DPP6: variants seen among roughly 807,000 people sequenced by gnomAD.
The protein encoded by DPP6 is dipeptidyl peptidase like 6, also known as A-type potassium channel modulatory protein DPP6.
Under a neutral mutation model 122.6 loss-of-function variants are expected in DPP6, and 69 were observed. The ratio of observed to expected loss-of-function variants is 0.56; its 90% confidence interval spans 0.46 to 0.69. DPP6 has a LOEUF of 0.69. Ranked by LOEUF, DPP6 falls within the 30% of genes least tolerant of loss-of-function variation. DPP6 has a pLI of 0.00. For missense variants in DPP6, 928 were observed against 1,116.9 expected, an observed-to-expected ratio of 0.83 and a Z score of 2.41; for synonymous variants, 418 against 433.1, an observed-to-expected ratio of 0.97 and a Z score of 0.43.
At chr7:154,570,505 T>C (rs929276413) in intron 5 of DPP6, among the ~76,000 whole-genome samples, 3 of 150,630 alleles carry the variant, frequency 2.0e-5, no homozygotes, top group Non-Finnish European at 4.4e-5. Context: ...ATTTGTGGTG[T>C]GTGTATATTC....
At chr7:154,868,207 G>GC in intron 18 of DPP6, 114 bp downstream of exon 18, 1 of 1,351,922 alleles carries the variant, frequency 7.4e-7, no homozygotes, top group Non-Finnish European at 9.9e-7. Context: ...AAGCACGGGG[G>GC]TGTATCTTTG....
At chr7:153,982,309 A>C (rs1796627014) in intron 1 of DPP6, among the ~76,000 whole-genome samples, 1 of 151,136 alleles carries the variant, frequency 6.6e-6, no homozygotes. Flanking sequence ...TCAATCTCTG[A>C]TACCCCTTCT....
At chr7:153,973,080 T>C (rs1366727075) in intron 1 of DPP6, among the ~76,000 whole-genome samples, 3 of 152,058 alleles carry the variant, frequency 2.0e-5, no homozygotes, top group African/African-American at 7.2e-5. Context: ...GTAGGTTTAC[T>C]TTAATAAATA....
chr7:154,730,817 A>G (rs1025643885), intron 8 of DPP6, among the ~76,000 whole-genome samples: 1 of 152,258 alleles, frequency 6.6e-6, no homozygotes, highest in African/African-American at 2.4e-5. Context: ...ATCCATAACC[A>G]GGAGATTTAA....
chr7:154,126,331 A>C (rs1277549372), intron 1 of DPP6, among the ~76,000 whole-genome samples: 2 of 152,264 alleles, frequency 1.3e-5, no homozygotes, highest in East Asian at 3.9e-4. Flanking sequence ...TGACCATATA[A>C]TTTTTTATCC....
chr7:154,160,239 G>A (rs1314113992), intron 1 of DPP6, among the ~76,000 whole-genome samples: 1 of 152,066 alleles, frequency 6.6e-6, no homozygotes, highest in Non-Finnish European at 1.5e-5. Context: ...GGTGTTCTTT[G>A]AGTTCCTCCA....
At chr7:154,477,916 T>C (rs1055768747) in intron 3 of DPP6, among the ~76,000 whole-genome samples, 5 of 152,174 alleles carry the variant, frequency 3.3e-5, no homozygotes, top group Non-Finnish European at 7.3e-5. Context: ...AGTAACCAAG[T>C]GGTTGGGTCC....
chr7:153,796,487 C>G, the DPP6 span, among the ~76,000 whole-genome samples: 1 of 150,844 alleles, frequency 6.6e-6, no homozygotes, highest in Non-Finnish European at 1.5e-5. Context: ...CAAATTGAAG[C>G]CTGGTGTTTG....
At chr7:154,743,054 GAA>G (rs1256356083) in intron 8 of DPP6, among the ~76,000 whole-genome samples, 3 of 152,240 alleles carry the variant, frequency 2.0e-5, no homozygotes, top group African/African-American at 7.2e-5. Context: ...AAAAGGGAAA[GAA>G]ACAGTTATAT....
the DPP6 span, among the ~76,000 whole-genome samples, chr7:153,826,239 A>C: frequency 6.6e-6 from 1 of 152,214 alleles, no homozygotes; most frequent in Admixed American, 6.5e-5. Flanking sequence ...TTCAAGCTAA[A>C]GGAAAAACAG....
chr7:153,840,619 C>A, the DPP6 span, among the ~76,000 whole-genome samples: 1 of 152,122 alleles, frequency 6.6e-6, no homozygotes, highest in Non-Finnish European at 1.5e-5. Flanking sequence ...GTCAGAACTC[C>A]AAATGTAAGA....
At chr7:153,855,260 A>G in the DPP6 span, among the ~76,000 whole-genome samples, 109,002 of 151,780 alleles carry the variant, frequency 0.72, 39,901 homozygotes, top group South Asian at 0.79. Context: ...AATAATAAAA[A>G]TAATACCTAT....
chr7:153,795,140 G>A, the DPP6 span, among the ~76,000 whole-genome samples: 9 of 152,150 alleles, frequency 5.9e-5, no homozygotes, highest in Admixed American at 1.3e-4. Flanking sequence ...GAATCTGGCC[G>A]GTGCAGTGGC....
chr7:153,976,146 G>A (rs2129035750), intron 1 of DPP6, among the ~76,000 whole-genome samples: 1 of 152,114 alleles, frequency 6.6e-6, no homozygotes, highest in Non-Finnish European at 1.5e-5. Flanking sequence ...CCTGAGTAAG[G>A]GTGAAGGAGA....
intron 1 of DPP6, among the ~76,000 whole-genome samples, chr7:154,413,843 A>G (rs1253134408): frequency 6.6e-6 from 1 of 152,214 alleles, no homozygotes; most frequent in Non-Finnish European, 1.5e-5. Context: ...ATGAATGATA[A>G]TGAGTCAAAT....
At position 154,063,127 on chromosome 7, in the gene DPP6, A is replaced by AC. The variant is rs1304910993; in HGVS notation, c.243+10070dup. 2.8e-5 allele frequency among the ~76,000 whole-genome samples: 3 copies of AC among 107,324 alleles called. 1 individual carries two copies. The highest frequency in any genetic ancestry group is 5.8e-5 in the Non-Finnish European group (3 of 51,740). 70.4% of individuals were successfully genotyped at this position (107,324 alleles called of 152,430 possible). ...GTACCCCCATCGCAGGGGGGGAGGC[A>AC]CCCCCCACGAGAGTGGGGACTGAGA... On this transcript the variant is annotated intron_variant, in intron 1 of 25. Coordinates refer to ENST00000377770, the MANE Select transcript of DPP6 (RefSeq NM_130797.4).
At chr7:154,264,946 GATA>G in intron 1 of DPP6, among the ~76,000 whole-genome samples, 1 of 151,902 alleles carries the variant, frequency 6.6e-6, no homozygotes, top group Non-Finnish European at 1.5e-5. Flanking sequence ...TGATGATAGT[GATA>G]ATGATGGTGA....
At position 153,965,559 on chromosome 7, in the gene DPP6, T is replaced by C. The variant is rs139872955; in HGVS notation, c.51+77825T>C. ...ATGGAGTCTCGCTGTGTCCCCCAGG[T>C]TGGAGCACAGTGGCGCGATTTCAGC... On this transcript the variant is annotated intron_variant, in intron 1 of 25. Coordinates refer to the DPP6 transcript ENST00000404039. Among the ~76,000 whole-genome samples, 29 of 152,268 alleles carry C rather than the reference T, an allele frequency of 1.9e-4. No homozygotes were observed. In the East Asian group the frequency reaches 2.9e-3, roughly 15 times the overall value.
At chr7:154,092,528 C>T (rs1230397036) in intron 1 of DPP6, 1 of 149,534 alleles carries the variant, frequency 6.7e-6, no homozygotes, top group African/African-American at 2.4e-5. Flanking sequence ...GTTTTCTGTA[C>T]AGTGCCCATC....
Sources: allele counts gnomAD v4.1 joint callset (sites outside exome capture counted in the v4.1 genomes callset), GRCh38; gene constraint gnomAD v4.1.1; transcripts MANE v1.5; gene names NCBI Gene and HGNC (gene_info 2026-07-23, HGNC 2026-07-21).